Variants in NLGN1 observed in about 807,000 individuals in gnomAD.
The protein encoded by NLGN1 is neuroligin-1.
A neutral mutation model predicts 65.5 loss-of-function variants in NLGN1; 12 were observed. The observed-to-expected ratio is 0.18, with a 90% confidence interval of 0.12 to 0.30. The LOEUF (loss-of-function observed/expected upper bound fraction) is 0.30, where lower values mean the gene tolerates loss of function less well. Among genes scored for constraint, NLGN1 ranks in the 10% least tolerant of loss-of-function variants. The probability of loss-of-function intolerance (pLI) is 1.00; values close to 1 mark genes in which losing one functional copy is unlikely to be tolerated. For synonymous variants in NLGN1, 350 were observed against 359.5 expected (o/e 0.97, Z 0.30); for missense variants, 750 against 1,007.1 (o/e 0.74, Z 3.46).
chr3:174,075,235 C>T (rs1560981788), intron 4 of NLGN1, among the ~76,000 whole-genome samples: 2 of 152,044 alleles, frequency 1.3e-5, no homozygotes, highest in Non-Finnish European at 1.5e-5. Context: ...CATTATATTT[C>T]TAAAGAAATA....
chr3:173,431,599 T>G (rs746600498), intron 1 of NLGN1, among the ~76,000 whole-genome samples: 12 of 152,156 alleles, frequency 7.9e-5, no homozygotes, highest in Non-Finnish European at 1.5e-4. Context: ...GTAGTAAAAT[T>G]GATTGGAAGA....
intron 3 of NLGN1, among the ~76,000 whole-genome samples, chr3:173,706,425 C>T (rs564470018): frequency 5.3e-5 from 8 of 152,230 alleles, no homozygotes; most frequent in African/African-American, 1.2e-4. Flanking sequence ...TATGTCTTTG[C>T]GTACTTGTTC....
chr3:173,642,036 C>G (rs1486359744), intron 3 of NLGN1, among the ~76,000 whole-genome samples: 1 of 148,754 alleles, frequency 6.7e-6, no homozygotes, highest in Non-Finnish European at 1.5e-5. Flanking sequence ...CTCTCTCTCT[C>G]TCTTTCTCCA....
intron 4 of NLGN1, among the ~76,000 whole-genome samples, chr3:173,895,686 G>T (rs933988089): frequency 8.6e-5 from 13 of 151,332 alleles, no homozygotes; most frequent in African/African-American, 3.2e-4. Flanking sequence ...AGCTTCCAAG[G>T]ACCCTTTTTT....
intron 4 of NLGN1, among the ~76,000 whole-genome samples, chr3:174,109,446 C>G (rs753612269): frequency 2.6e-5 from 4 of 151,870 alleles, no homozygotes; most frequent in Non-Finnish European, 5.9e-5. Context: ...TTTTTATTCT[C>G]TATTCCTCAC....
intron 4 of NLGN1, among the ~76,000 whole-genome samples, chr3:173,808,222 T>C (rs923401839): frequency 1.3e-5 from 2 of 152,178 alleles, no homozygotes; most frequent in African/African-American, 4.8e-5. Context: ...AGTATGTATA[T>C]GGACTCGCTT....
intron 4 of NLGN1, among the ~76,000 whole-genome samples, chr3:173,826,906 G>GAGAATGCATTTACCA (rs1721440279): frequency 6.6e-6 from 1 of 152,012 alleles, no homozygotes; most frequent in Non-Finnish European, 1.5e-5. Flanking sequence ...TTTTAGATGG[G>GAGAATGCATTTACCA]GGTTGGAGGA....
At chr3:173,415,943 A>AGAGAGAGAGAGAGAGCGAGAGC (rs141095727) in intron 1 of NLGN1, among the ~76,000 whole-genome samples, 14 of 142,874 alleles carry the variant, frequency 9.8e-5, no homozygotes, top group African/African-American at 3.1e-4. Context: ...AGAGAGAGAG[A>AGAGAGAGAGAGAGAGCGAGAGC]GCTTGGTATA....
chr3:173,843,863 A>C (rs895325228), intron 4 of NLGN1, among the ~76,000 whole-genome samples: 1 of 152,112 alleles, frequency 6.6e-6, no homozygotes, highest in Admixed American at 6.5e-5. Context: ...GTATCTTCTC[A>C]GCAACACCCC....
intron 1 of NLGN1, among the ~76,000 whole-genome samples, chr3:173,424,558 T>G (rs1415501156): frequency 1.3e-5 from 2 of 152,310 alleles, no homozygotes; most frequent in South Asian, 2.1e-4. Flanking sequence ...GCTTAGAAAT[T>G]TCTTCCAGCA....
intron 2 of NLGN1, among the ~76,000 whole-genome samples, chr3:173,481,470 C>G: frequency 6.6e-6 from 1 of 151,858 alleles, no homozygotes; most frequent in African/African-American, 2.4e-5. Flanking sequence ...ATTAAATAAA[C>G]TTGTATATTT....
chr3:173,407,201 A>AT, intron 1 of NLGN1, among the ~76,000 whole-genome samples: 1 of 152,164 alleles, frequency 6.6e-6, no homozygotes. Context: ...GTAGAATCAC[A>AT]TTTTTTGACC....
Position 174,273,391 on chromosome 3 carries a change from C to A in NLGN1, c.647-1924C>A, listed in dbSNP as rs73882744. Among the ~76,000 whole-genome samples, 922 of 151,582 alleles carry A rather than the reference C, an allele frequency of 6.1e-3. 5 individuals carry two copies. Among genetic ancestry groups the A allele is most frequent in the African/African-American group, 0.021 (869 of 41,448 alleles). ...ATAATATTGTTTTCAGAGTTCATGC[C>A]AATAGTCTGTCTTTATAGACCAAAA... On this transcript the variant is annotated intron_variant, in intron 4 of 6. Coordinates refer to ENST00000457714, the Ensembl canonical transcript of NLGN1.
intron 4 of NLGN1, among the ~76,000 whole-genome samples, chr3:173,878,100 G>C (rs1196090387): frequency 6.6e-6 from 1 of 151,936 alleles, no homozygotes; most frequent in African/African-American, 2.4e-5. Flanking sequence ...GGAGTGCAAT[G>C]GTGCAATCTC....
chr3:173,518,756 A>C (rs189092558), intron 2 of NLGN1, among the ~76,000 whole-genome samples: 17 of 152,284 alleles, frequency 1.1e-4, no homozygotes, highest in African/African-American at 3.9e-4. Flanking sequence ...AGAGTGTAAA[A>C]CTTTGAAAAA....
intron 2 of NLGN1, among the ~76,000 whole-genome samples, chr3:173,519,689 T>G (rs562110217): frequency 7.5e-4 from 115 of 152,320 alleles, no homozygotes; most frequent in Middle Eastern, 3.4e-3. Flanking sequence ...ATATCCCCAT[T>G]GTATATTGGA....
chr3:173,836,971 A>T (rs1723743154), intron 4 of NLGN1, among the ~76,000 whole-genome samples: 1 of 152,218 alleles, frequency 6.6e-6, no homozygotes, highest in Admixed American at 6.5e-5. Context: ...TCTACTGGGT[A>T]ACATGATATT....
chr3:174,138,633 A>G (rs1721681713), intron 4 of NLGN1, among the ~76,000 whole-genome samples: 1 of 151,758 alleles, frequency 6.6e-6, no homozygotes, highest in Admixed American at 6.6e-5. Context: ...ATGGGGTTTC[A>G]CCGTGTTAGC....
At chr3:174,168,303 A>G (rs764313075) in intron 4 of NLGN1, among the ~76,000 whole-genome samples, 1 of 152,156 alleles carries the variant, frequency 6.6e-6, no homozygotes, top group Non-Finnish European at 1.5e-5. Flanking sequence ...GTGGTGACAG[A>G]GTTCTTATGC....
Sources: allele counts gnomAD v4.1 joint callset (sites outside exome capture counted in the v4.1 genomes callset), GRCh38; gene constraint gnomAD v4.1.1; transcripts MANE v1.5; gene names NCBI Gene and HGNC (gene_info 2026-07-23, HGNC 2026-07-21).